DEPDC1: variants seen among roughly 807,000 people sequenced by gnomAD.
The protein encoded by DEPDC1 is DEP domain-containing protein 1A.
Under a neutral mutation model 86.8 loss-of-function variants are expected in DEPDC1, and 66 were observed. The observed-to-expected ratio is 0.76, with a 90% CI of 0.62 to 0.93. The LOEUF (loss-of-function observed/expected upper bound fraction) is 0.93, where lower values mean the gene tolerates loss of function less well. Ranked by LOEUF, DEPDC1 falls within the 40% of genes least tolerant of loss-of-function variation. DEPDC1 has a pLI of 0.00. For missense variants in DEPDC1, 792 were observed against 935.7 expected (o/e 0.85, Z 2.00); for synonymous variants, 255 against 314.9 (o/e 0.81, Z 2.02).
chr1:68,474,909 T>G lies in DEPDC1; in HGVS notation c.*2023A>C, dbSNP rs56150903. The G allele has an allele frequency of 1.1e-4, 16 of 152,148 alleles. No individual in the cohort carries two copies. Among genetic ancestry groups the G allele is most frequent in the Non-Finnish European group, 2.2e-4 (15 of 67,918 alleles). 9.4% of individuals were successfully genotyped at this position (152,148 alleles called of 1,614,324 possible). A position where few individuals can be genotyped will look rare whatever the true frequency, so the allele number is the denominator to read the frequency against. ...TCAATTGTCCGTAATTTTGTTTTGG[T>G]TCATGTCTGTCCAAAGCAACAGAAA... is the stretch of plus-strand genomic sequence containing the variant. On this transcript the variant is annotated 3_prime_UTR_variant, in exon 12 of 12. Coordinates refer to ENST00000456315, the MANE Select transcript of DEPDC1 (RefSeq NM_001114120.3).
intron 5 of DEPDC1, 56 bp downstream of exon 5, chr1:68,488,318 T>C (rs1016676837): frequency 4.0e-6 from 6 of 1,518,812 alleles, no homozygotes; most frequent in African/African-American, 1.4e-5. Context: ...TACACTACTA[T>C]AGCTGCAACC....
chr1:68,496,977 G>A lies in DEPDC1; in HGVS notation c.23C>T (p.Pro8Leu), dbSNP rs144782062. 1.7e-3 allele frequency: 2,792 copies of A among 1,613,458 alleles called. 4 individuals carry two copies. Among genetic ancestry groups the A allele is most frequent in the Non-Finnish European group, 2.2e-3 (2,600 of 1,179,578 alleles). ...CAGCTTGGTGGCCCGATAAGGCCCGGGAGGCACACCCTGACTCTCCATAGG... is the reference window on the plus strand; with the variant it reads ...CAGCTTGGTGGCCCGATAAGGCCCGAGAGGCACACCCTGACTCTCCATAGG... Reference protein sequence around the residue: MESQGVPPGPYRATKLWN... With the variant: MESQGVPLGPYRATKLWN... Residue 8 changes from proline (P) to leucine (L), a missense_variant, in exon 1 of 12, where the codon CCC (proline) becomes CTC (leucine). Coordinates refer to ENST00000456315, the MANE Select transcript of DEPDC1 (RefSeq NM_001114120.3). This position sits in a 1 kb window ranked among gnomAD's most constrained non-coding sequence, Gnocchi z 4.0.
Position 68,488,512 on chromosome 1 carries a change from G to C in DEPDC1, c.591-8C>G, listed in dbSNP as rs774290678. On this transcript the variant is annotated splice_polypyrimidine_tract_variant and splice_region_variant and intron_variant, in intron 4 of 11. Transcript: ENST00000456315. ...CCTAAAATGGTTTGCAGGCTAAATA[G>C]AAGAAAGAATATTAACTTTTTTTCT... The C allele has an allele frequency of 2.5e-6, 4 of 1,595,770 alleles. No homozygotes were observed.
At chr1:68,480,252 C>A (rs61771511) in intron 9 of DEPDC1, among the ~76,000 whole-genome samples, 32,390 of 145,432 alleles carry the variant, frequency 0.22, 3,649 homozygotes, top group African/African-American at 0.25. Context: ...TCTAACTGTA[C>A]CACACACACA....
At position 68,481,535 on chromosome 1, in the gene DEPDC1, G is replaced by A. The variant is rs1179438220; in HGVS notation, c.1840C>T (p.Arg614Cys). ...CGCATTAAAAGTTGAAGCTTTCTAC[G>A]ATTTGGTGGGGGAAGTAACAAACAA... Reference protein sequence around the residue: ...LCCLLLPPPNRRKLQLLMRMI... With the variant: ...LCCLLLPPPNCRKLQLLMRMI... The change falls in exon 9 of 12, where the codon CGT becomes TGT. Residue 614 changes from arginine to cysteine, a missense_variant. Coordinates refer to ENST00000456315, the MANE Select transcript of DEPDC1 (RefSeq NM_001114120.3). The A allele has an allele frequency of 1.9e-6, 3 of 1,611,976 alleles. No individual in the cohort carries two copies. The highest frequency in any genetic ancestry group is 2.2e-5 in the East Asian group (1 of 44,816).
At position 68,494,547 on chromosome 1, in the gene DEPDC1, T is replaced by A. The variant is rs1408623138; in HGVS notation, c.197A>T (p.Glu66Val). Residue 66 changes from glutamate (E) to valine (V), a missense_variant, in exon 2 of 12, where the codon GAA becomes GTA. Physicochemically the swap from Glu to Val is moderately radical, Grantham distance 121 (BLOSUM62 -2). Transcript: ENST00000456315. ...LLRNNSNFGP[E>V]VTRQQTIQLL... is the part of the protein sequence containing the mutation. Reference sequence around the variant, plus strand: ...TTGGATAGTCTGTTGCCTTGTAACTTCAGGACCAAAATTGCTATTATTTCT... The same window carrying A: ...TTGGATAGTCTGTTGCCTTGTAACTACAGGACCAAAATTGCTATTATTTCT... 19 of 1,613,688 alleles carry A rather than the reference T, an allele frequency of 1.2e-5. No homozygotes were observed. The East Asian group carries it at 4.2e-4, about 36-fold the overall frequency.
chr1:68,477,846 C>T lies in DEPDC1; in HGVS notation c.2239G>A (p.Glu747Lys). 1.3e-6 allele frequency: 2 copies of T among 1,576,910 alleles called. No individual in the cohort carries two copies. The highest frequency in any genetic ancestry group is 3.5e-5 in the Admixed American group (2 of 56,466). Residue 747 changes from glutamate to lysine, a missense_variant, in exon 11 of 12, where the codon GAA becomes AAA. Physicochemically the swap from Glu to Lys is moderately conservative, Grantham distance 56. Coordinates refer to ENST00000456315, the MANE Select transcript of DEPDC1 (RefSeq NM_001114120.3). ...TSQAAIAELL[E>K]NIIKNRSLPL... Reference sequence around the variant, plus strand: ...AAACTCCTGTTTTTAATAATATTTTCTAAAAGTTCTGCAATTGCAGCTTGA... The same window carrying T: ...AAACTCCTGTTTTTAATAATATTTTTTAAAAGTTCTGCAATTGCAGCTTGA...
In DEPDC1 at chr1:68,477,932, G is replaced by C. The variant is rs763081243; in HGVS notation, c.2153C>G (p.Thr718Ser). Residue 718 changes from threonine to serine, a missense_variant, in exon 11 of 12, where the codon ACT (threonine) becomes AGT (serine). By Grantham distance (58) the Thr-to-Ser change is moderately conservative. Coordinates refer to ENST00000456315, the MANE Select transcript of DEPDC1 (RefSeq NM_001114120.3). ...PGDGLFAPLP[T>S]YSYCKQISAQ... Reference sequence around the variant, plus strand: ...ACTAATCTGCTTACAGTATGAGTAAGTTGGCAAAGGAGCAAATAGTCCATC... The same window carrying C: ...ACTAATCTGCTTACAGTATGAGTAACTTGGCAAAGGAGCAAATAGTCCATC... 3 of 1,565,568 alleles carry C rather than the reference G, an allele frequency of 1.9e-6. No individual in the cohort carries two copies. The African/African-American group carries it at 4.1e-5, about 21-fold the overall frequency.
At chr1:68,489,141 C>G (rs1296296159) in intron 3 of DEPDC1, 107 bp from the exon 4 acceptor site, 1 of 729,678 alleles carries the variant, frequency 1.4e-6, no homozygotes, top group Non-Finnish European at 2.3e-6. Context: ...TATAAAGTAT[C>G]TCCCAAAGAA....
intron 2 of DEPDC1, among the ~76,000 whole-genome samples, chr1:68,492,122 A>T (rs1024334412): frequency 2.0e-5 from 3 of 152,034 alleles, no homozygotes; most frequent in Non-Finnish European, 4.4e-5. Context: ...CAGAAGTTTG[A>T]CCTTGGTCTT....
At chr1:68,488,178 C>T (rs1646205277) in intron 5 of DEPDC1, among the ~76,000 whole-genome samples, 196 bp downstream of exon 5, 1 of 151,718 alleles carries the variant, frequency 6.6e-6, no homozygotes, top group Non-Finnish European at 1.5e-5. Context: ...TCTTAGCAGA[C>T]AAAATATTTC....
At position 68,482,244 on chromosome 1, in the gene DEPDC1, T is replaced by C. The variant is rs1409967792; in HGVS notation, c.1564A>G (p.Asn522Asp). 6.2e-7 allele frequency: 1 copy of C among 1,612,808 alleles called. No individual in the cohort carries two copies. The highest frequency in any genetic ancestry group is 8.5e-7 in the Non-Finnish European group (1 of 1,179,218). The change falls in exon 8 of 12, where the codon AAT becomes GAT. Residue 522 changes from asparagine to aspartate, a missense_variant. Coordinates refer to ENST00000456315, the MANE Select transcript of DEPDC1 (RefSeq NM_001114120.3). Reference protein sequence around the residue: ...SLLLRSSTRRNSYINTPVAEI... With the variant: ...SLLLRSSTRRDSYINTPVAEI... Reference sequence around the variant, plus strand: ...GCCACTGGTGTATTGATATAACTATTCCTTCTTGTACTACTTCTTAAAAGC... The same window carrying C: ...GCCACTGGTGTATTGATATAACTATCCCTTCTTGTACTACTTCTTAAAAGC...
Position 68,477,160 on chromosome 1 carries a change from C to T in DEPDC1, c.2299-91G>A, listed in dbSNP as rs148054870. 2.4e-3 allele frequency: 2,658 copies of T among 1,119,176 alleles called. 39 individuals carry two copies. The African/African-American group carries it at 0.036, about 15-fold the overall frequency. The allele number at this position is 1,119,176 out of a possible 1,614,324, so 69.3% of individuals were successfully genotyped here. On this transcript the variant is annotated intron_variant, in intron 11 of 11. Transcript: ENST00000456315. ...CATTTTATAAGAATTCAGTGTTTTT[C>T]TCAAAGACGTAGTATAGAGATTAGT... is the stretch of plus-strand genomic sequence containing the variant.
Position 68,491,775 on chromosome 1 carries a change from A to AT in DEPDC1, c.315-2168dup, listed in dbSNP as rs1289813178. Among the ~76,000 whole-genome samples, 22 of 151,290 alleles carry AT rather than the reference A, an allele frequency of 1.5e-4. No homozygotes were observed. The East Asian group carries it at 3.1e-3, about 21-fold the overall frequency. ...TTATCATATCTTTTACCATATATCAATTTTTTTTTCTTCTCCAAGTTTTAC... is the reference window on the plus strand; with the variant it reads ...TTATCATATCTTTTACCATATATCAATTTTTTTTTTCTTCTCCAAGTTTTAC... On this transcript the variant is annotated intron_variant, in intron 2 of 11. Transcript: ENST00000456315.
At chr1:68,487,109 A>G (rs573224651) in intron 5 of DEPDC1, 125 bp from the exon 6 acceptor site, 2 of 697,436 alleles carry the variant, frequency 2.9e-6, no homozygotes, top group African/African-American at 1.9e-5. Flanking sequence ...TTACATTTGT[A>G]TATGTGTGTA....
At position 68,496,911 on chromosome 1, in the gene DEPDC1, G is replaced by A. The variant is rs1397590491; in HGVS notation, c.48+41C>T. The stretch of plus-strand genomic sequence containing the variant: ...AAAACTGCGAACAGTGGTGACTGCC[G>A]TCAGCCCGCTGACCGGTCCCGTCTA... On this transcript the variant is annotated intron_variant, in intron 1 of 11. Transcript: ENST00000456315. The surrounding 1 kb of genome is among the most constrained non-coding windows in gnomAD (Gnocchi z 4.0). 6.3e-7 allele frequency: 1 copy of A among 1,584,460 alleles called. No individual in the cohort carries two copies. Among genetic ancestry groups the A allele is most frequent in the East Asian group, 2.3e-5 (1 of 44,220 alleles).
chr1:68,481,996 T>C (rs1571196470), intron 8 of DEPDC1, 50 bp downstream of exon 8: 6 of 1,497,212 alleles, frequency 4.0e-6, no homozygotes, highest in Non-Finnish European at 5.3e-6. Context: ...AACACAGAGT[T>C]AGTAAACACT....
intron 4 of DEPDC1, 24 bp from the exon 5 acceptor site, chr1:68,488,528 C>CT: frequency 1.3e-6 from 2 of 1,576,318 alleles, no homozygotes; most frequent in East Asian, 2.3e-5. Context: ...AGAATATTAA[C>CT]TTTTTTTCTT....
At position 68,482,243 on chromosome 1, in the gene DEPDC1, T is replaced by C; in HGVS notation, c.1565A>G (p.Asn522Ser). The change falls in exon 8 of 12, where the codon AAT (asparagine) becomes AGT (serine). Residue 522 changes from asparagine to serine, a missense_variant. Physicochemically the swap from Asn to Ser is conservative, Grantham distance 46 (BLOSUM62 1). Transcript: ENST00000456315. ...AGCCACTGGTGTATTGATATAACTA[T>C]TCCTTCTTGTACTACTTCTTAAAAG... The part of the protein sequence containing the change: ...SLLLRSSTRR[N>S]SYINTPVAEI... 6.2e-7 allele frequency: 1 copy of C among 1,612,868 alleles called. No individual in the cohort carries two copies. The highest frequency in any genetic ancestry group is 8.5e-7 in the Non-Finnish European group (1 of 1,179,240).
Sources: allele counts gnomAD v4.1 joint callset (sites outside exome capture counted in the v4.1 genomes callset), GRCh38; gene constraint gnomAD v4.1.1; non-coding constraint Gnocchi (gnomAD v3.1); transcripts MANE v1.5; gene names NCBI Gene and HGNC (gene_info 2026-07-23, HGNC 2026-07-21).